The following IL7 variants were observed in gnomAD, a reference collection of about 807,000 sequenced individuals.
IL7 encodes interleukin-7.
Under a neutral mutation model 21.6 loss-of-function variants are expected in IL7, and 3 were observed. The ratio of observed to expected loss-of-function variants is 0.14; its 90% CI spans 0.06 to 0.36. IL7 has a LOEUF of 0.36. Ranked by LOEUF, IL7 falls within the 10% of genes least tolerant of loss-of-function variation. The probability of loss-of-function intolerance (pLI) is 1.00; values close to 1 mark genes in which losing one functional copy is unlikely to be tolerated. For synonymous variants in IL7, 62 were observed against 68.1 expected, an observed-to-expected ratio of 0.91 and a Z score of 0.44; for missense variants, 175 against 200.2, an observed-to-expected ratio of 0.87 and a Z score of 0.76.
chr8:78,755,065 C>G (rs1425089442), intron 2 of IL7, among the ~76,000 whole-genome samples: 1 of 151,994 alleles, frequency 6.6e-6, no homozygotes, highest in Non-Finnish European at 1.5e-5. Flanking sequence ...TCCAGTTTTC[C>G]TAGCACTATT....
chr8:78,698,591 T>C, intron 3 of IL7: 1 of 1,093,474 alleles, frequency 9.1e-7, no homozygotes, highest in South Asian at 2.0e-5. Context: ...TGATAATTGC[T>C]TTTTCATTCA....
At chr8:78,759,434 A>C (rs1812472021) in intron 2 of IL7, among the ~76,000 whole-genome samples, 1 of 152,064 alleles carries the variant, frequency 6.6e-6, no homozygotes, top group Non-Finnish European at 1.5e-5. Flanking sequence ...AAAACCAGAC[A>C]AATCAGTTGT....
At chr8:78,731,782 A>C (rs72661347), downstream of IL7, among the ~76,000 whole-genome samples, 13 of 152,182 alleles carry the variant, frequency 8.5e-5, no homozygotes, top group Non-Finnish European at 1.8e-4. Context: ...AACGTTTGGC[A>C]CACAGTACAA....
intron 5 of IL7, 77 bp from the exon 6 acceptor site, chr8:78,733,909 T>C: frequency 1.0e-6 from 1 of 998,372 alleles, no homozygotes; most frequent in Non-Finnish European, 1.3e-6. Context: ...TTTTTCATCA[T>C]ATTACTTTAT....
At chr8:78,770,287 C>T (rs993344423) in intron 2 of IL7, among the ~76,000 whole-genome samples, 5 of 152,152 alleles carry the variant, frequency 3.3e-5, no homozygotes, top group African/African-American at 1.2e-4. Context: ...GGGTCTAAGA[C>T]TGTGAACCCA....
intron 4 of IL7, among the ~76,000 whole-genome samples, chr8:78,685,193 C>G (rs1268709765): frequency 1.3e-5 from 2 of 152,012 alleles, no homozygotes; most frequent in Non-Finnish European, 2.9e-5. Context: ...GGTGTTATTT[C>G]AATTCTGTTG....
intron 2 of IL7, among the ~76,000 whole-genome samples, chr8:78,782,626 A>C (rs537528273): frequency 3.3e-5 from 5 of 151,966 alleles, no homozygotes; most frequent in African/African-American, 1.2e-4. Flanking sequence ...TATTGACTTC[A>C]TGTTAGTGGG....
Position 78,702,113 on chromosome 8 carries a change from A to G in IL7, n.215-16166T>C, listed in dbSNP as rs192776685. Among the ~76,000 whole-genome samples the G allele has an allele frequency of 2.8e-4, 43 of 151,984 alleles. No homozygotes were observed. The East Asian group carries it at 7.1e-3, about 25-fold the overall frequency. On this transcript the variant is annotated intron_variant and non_coding_transcript_variant, in intron 3 of 4. Coordinates refer to the IL7 transcript ENST00000523959. ...TCCATCTGGTCCTGGGCTTTTTTCA[A>G]TTGGTAAGCTATTTATTACTGCCTC...
At chr8:78,789,970 A>G (rs1813631799) in intron 2 of IL7, among the ~76,000 whole-genome samples, 1 of 152,134 alleles carries the variant, frequency 6.6e-6, no homozygotes, top group South Asian at 2.1e-4. Flanking sequence ...TATCTACTAG[A>G]TATTTGAATT....
downstream of IL7, among the ~76,000 whole-genome samples, chr8:78,728,552 C>A (rs541170034): frequency 1.8e-4 from 27 of 152,108 alleles, no homozygotes; most frequent in African/African-American, 6.3e-4. Flanking sequence ...GGTGATGAAA[C>A]ACTTGGATAT....
chr8:78,683,822 G>A lies in IL7; in HGVS notation n.273+2067C>T, dbSNP rs563405866. Among the ~76,000 whole-genome samples the A allele has an allele frequency of 2.0e-5, 3 of 152,230 alleles. No homozygotes were observed. In the East Asian group the frequency reaches 5.8e-4, roughly 29 times the overall value. On this transcript the variant is annotated intron_variant and non_coding_transcript_variant, in intron 4 of 4. Coordinates refer to the IL7 transcript ENST00000523959. ...TTCCTCTTGAATGCTTTGCTCCCCA[G>A]AAATTTCTTCCACCAGAAACCTTAA...
chr8:78,741,303 T>C (rs768848244), intron 2 of IL7, among the ~76,000 whole-genome samples: 7 of 152,214 alleles, frequency 4.6e-5, no homozygotes, highest in Non-Finnish European at 7.3e-5. Flanking sequence ...CACATTGCCA[T>C]TGTACATATT....
At chr8:78,727,812 G>A (rs1014028617), downstream of IL7, among the ~76,000 whole-genome samples, 1 of 151,824 alleles carries the variant, frequency 6.6e-6, no homozygotes, top group African/African-American at 2.4e-5. Flanking sequence ...ATTTCAGAAG[G>A]TTCTATGTTC....
intron 2 of IL7, among the ~76,000 whole-genome samples, chr8:78,776,337 G>T (rs1813138424): frequency 6.6e-6 from 1 of 152,068 alleles, no homozygotes; most frequent in Non-Finnish European, 1.5e-5. Flanking sequence ...GAGTGAGACA[G>T]TGCAAGATTT....
rs532368488 is a variant in IL7, at chr8:78,685,554, A to G, written n.273+335T>C. Among the ~76,000 whole-genome samples the G allele has an allele frequency of 3.3e-5, 5 of 152,348 alleles. No homozygotes were observed. The South Asian group carries it at 1.0e-3, about 32-fold the overall frequency. On this transcript the variant is annotated intron_variant and non_coding_transcript_variant, in intron 4 of 4. Transcript: ENST00000523959. Reference sequence around the variant, plus strand: ...GGGAGGGAATAGTTTCCTATAAACAATTACTAGAAATTATTACATTAAAGG... The same window carrying G: ...GGGAGGGAATAGTTTCCTATAAACAGTTACTAGAAATTATTACATTAAAGG...
At chr8:78,726,061 T>C (rs375130898) in intron 3 of IL7, among the ~76,000 whole-genome samples, 1 of 151,834 alleles carries the variant, frequency 6.6e-6, no homozygotes, top group Admixed American at 6.6e-5. Flanking sequence ...GACAATGCTA[T>C]GGAGAAAAAG....
At chr8:78,736,400 C>G (rs1225029414) in intron 5 of IL7, 74 bp downstream of exon 5, 2 of 898,358 alleles carry the variant, frequency 2.2e-6, no homozygotes, top group East Asian at 5.2e-5. Flanking sequence ...GGAAACAATT[C>G]AAAATGAAAA....
At chr8:78,710,130 A>G (rs1197045409) in intron 3 of IL7, among the ~76,000 whole-genome samples, 3 of 152,204 alleles carry the variant, frequency 2.0e-5, no homozygotes, top group African/African-American at 7.2e-5. Context: ...AAGGCCTGTG[A>G]AAGTATTATA....
chr8:78,709,964 A>G (rs142524780), intron 3 of IL7, among the ~76,000 whole-genome samples: 1 of 152,268 alleles, frequency 6.6e-6, no homozygotes, highest in African/African-American at 2.4e-5. Context: ...CTACACTCCT[A>G]CAAGGTACCT....
Sources: allele counts gnomAD v4.1 joint callset (sites outside exome capture counted in the v4.1 genomes callset), GRCh38; gene constraint gnomAD v4.1.1; transcripts MANE v1.5; gene names NCBI Gene and HGNC (gene_info 2026-07-23, HGNC 2026-07-21).